Variants in SH3KBP1 observed in about 807,000 individuals in gnomAD.
SH3KBP1 encodes the protein SH3 domain-containing kinase-binding protein 1.
Under a neutral mutation model 50.1 loss-of-function variants are expected in SH3KBP1, and 8 were observed. That is an observed-to-expected ratio of 0.16 (90% CI 0.09 to 0.29). The LOEUF is 0.29. SH3KBP1 is among the 10% of genes least tolerant of loss of function. SH3KBP1 has a pLI of 1.00. For synonymous variants in SH3KBP1, 227 were observed against 218.6 expected (o/e 1.04, Z -0.34); for missense variants, 377 against 535.2 (o/e 0.70, Z 2.92).
At chrX:19,874,068 A>AAAATATAT (rs1491537486) in intron 1 of SH3KBP1, among the ~76,000 whole-genome samples, 9 of 57,027 alleles carry the variant, frequency 1.6e-4, no homozygotes, top group African/African-American at 1.4e-3. Context: ...AAAAAAAAAA[A>AAAATATAT]ATATATATAT....
intron 6 of SH3KBP1, among the ~76,000 whole-genome samples, chrX:19,675,004 G>A (rs906125932): frequency 8.2e-5 from 9 of 109,788 alleles, no homozygotes; most frequent in Non-Finnish European, 1.5e-4. Context: ...GCTTGAACCC[G>A]GGAGGCAGAG....
At chrX:19,833,000 G>A (rs1313468870) in intron 2 of SH3KBP1, among the ~76,000 whole-genome samples, 1 of 112,229 alleles carries the variant, frequency 8.9e-6, no homozygotes. Context: ...TCAGTTCTCT[G>A]AATCTGTAGA....
intron 8 of SH3KBP1, among the ~76,000 whole-genome samples, chrX:19,620,867 GT>G (rs2067790336): frequency 9.0e-6 from 1 of 111,403 alleles, no homozygotes; most frequent in African/African-American, 3.3e-5. Flanking sequence ...AATTTGGCAA[GT>G]TTTTTCTTTT....
At chrX:19,811,366 A>G (rs900864485) in intron 2 of SH3KBP1, among the ~76,000 whole-genome samples, 2 of 111,606 alleles carry the variant, frequency 1.8e-5, no homozygotes, top group African/African-American at 6.5e-5. Flanking sequence ...ATGGTTTTAA[A>G]CAGCTGTAAT....
intron 13 of SH3KBP1, 147 bp from the exon 14 acceptor site, chrX:19,550,230 AT>A (rs1398702233): frequency 1.1e-5 from 5 of 456,018 alleles, no homozygotes; most frequent in Non-Finnish European, 1.5e-5. Flanking sequence ...TCCTTTGGTC[AT>A]TCAATAAACA....
Position 19,647,105 on chromosome X carries a change from C to T in SH3KBP1, c.727-1630G>A, listed in dbSNP as rs2062009019. On this transcript the variant is annotated intron_variant, in intron 6 of 17. Coordinates refer to ENST00000397821, the MANE Select transcript of SH3KBP1 (RefSeq NM_031892.3). ...CCTGTTCACACTTCTAGCAGCATCCCTGCCAACATATTTGTTTTTCCCTTT... is the reference window on the plus strand; with the variant it reads ...CCTGTTCACACTTCTAGCAGCATCCTTGCCAACATATTTGTTTTTCCCTTT... 2.7e-5 allele frequency among the ~76,000 whole-genome samples: 3 copies of T among 112,232 alleles called. No homozygotes were observed. The South Asian group carries it at 1.1e-3, about 42-fold the overall frequency.
At chrX:19,592,974 G>A (rs1167935497) in intron 10 of SH3KBP1, among the ~76,000 whole-genome samples, 1 of 112,224 alleles carries the variant, frequency 8.9e-6, no homozygotes, top group Non-Finnish European at 1.9e-5. Context: ...GCCCAGCCAT[G>A]GTCTGTTCTT....
intron 11 of SH3KBP1, among the ~76,000 whole-genome samples, chrX:19,589,384 G>A (rs1046646912): frequency 9.0e-6 from 1 of 111,575 alleles, no homozygotes; most frequent in Non-Finnish European, 1.9e-5. Context: ...GGCCTGACAC[G>A]TCTCAGGCTG....
intron 12 of SH3KBP1, among the ~76,000 whole-genome samples, chrX:19,580,380 G>A (rs934683606): frequency 1.8e-5 from 2 of 110,933 alleles, no homozygotes; most frequent in African/African-American, 6.6e-5. Context: ...GTCTACCCAC[G>A]CTTGGCCGCT....
At chrX:19,818,072 C>T (rs185143487) in intron 2 of SH3KBP1, among the ~76,000 whole-genome samples, 58 of 112,260 alleles carry the variant, frequency 5.2e-4, no homozygotes, top group Admixed American at 3.5e-3. Context: ...ATATCACCTA[C>T]GTTTGTATAA....
chrX:19,824,385 T>C (rs779385278), intron 2 of SH3KBP1, among the ~76,000 whole-genome samples: 7 of 111,797 alleles, frequency 6.3e-5, no homozygotes, highest in Non-Finnish European at 1.1e-4. Context: ...ATCGGTACCA[T>C]TGTGCAAAAT....
intron 3 of SH3KBP1, among the ~76,000 whole-genome samples, chrX:19,722,118 G>C (rs1248332980): frequency 1.8e-5 from 2 of 112,313 alleles, no homozygotes; most frequent in Admixed American, 1.9e-4. Flanking sequence ...ATAAGCTTTG[G>C]AGTAACACAT....
At chrX:19,808,172 CTAATATT>C (rs1314287529) in intron 2 of SH3KBP1, among the ~76,000 whole-genome samples, 2 of 110,784 alleles carry the variant, frequency 1.8e-5, no homozygotes, top group African/African-American at 6.6e-5. Context: ...GGGCAGTTCT[CTAATATT>C]TCAAGTCTCA....
chrX:19,621,073 C>T (rs374226262), intron 8 of SH3KBP1, among the ~76,000 whole-genome samples: 206 of 32,067 alleles, frequency 6.4e-3, no homozygotes, highest in Non-Finnish European at 7.5e-3. Context: ...TCTTTTCTTT[C>T]TTTTTTTTTT....
rs2064701531 is a variant in SH3KBP1, at chrX:19,536,136, G to A, written c.*281C>T. ...AGTACCACTATGGACTAAACTGCCT[G>A]AGTTTTCATTTCGCATTGAGATCTC... On this transcript the variant is annotated 3_prime_UTR_variant, in exon 18 of 18. Coordinates refer to ENST00000397821, the MANE Select transcript of SH3KBP1 (RefSeq NM_031892.3). 2 of 226,371 alleles carry A rather than the reference G, an allele frequency of 8.8e-6. No homozygotes were observed. Among genetic ancestry groups the A allele is most frequent in the Non-Finnish European group, 1.6e-5 (2 of 124,773 alleles). The allele number at this position is 226,371 out of a possible 1,213,427, so 18.7% of individuals were successfully genotyped here. A position where few individuals can be genotyped will look rare whatever the true frequency, so the allele number is the denominator to read the frequency against.
intron 2 of SH3KBP1, among the ~76,000 whole-genome samples, chrX:19,781,517 C>T: frequency 9.3e-6 from 1 of 107,950 alleles, no homozygotes; most frequent in Non-Finnish European, 1.9e-5. Context: ...GCTCAGAAGG[C>T]TGAGGTGGGA....
intron 6 of SH3KBP1, among the ~76,000 whole-genome samples, chrX:19,673,043 G>A (rs1263038131): frequency 2.1e-5 from 2 of 93,772 alleles, no homozygotes; most frequent in African/African-American, 8.3e-5. Flanking sequence ...TCCAGCCTGG[G>A]CAACAGAGCA....
In SH3KBP1 at chrX:19,671,949, A is replaced by G. The variant is rs1449784302; in HGVS notation, c.726+11874T>C. On this transcript the variant is annotated intron_variant, in intron 6 of 17. Coordinates refer to ENST00000397821, the MANE Select transcript of SH3KBP1 (RefSeq NM_031892.3). ...TTTCAGTTAACTATGGTTAATATTTAAATTTTTAATTAAACTAATTTAAAA... is the reference window on the plus strand; with the variant it reads ...TTTCAGTTAACTATGGTTAATATTTGAATTTTTAATTAAACTAATTTAAAA... 4.5e-5 allele frequency among the ~76,000 whole-genome samples: 5 copies of G among 112,115 alleles called. No individual in the cohort carries two copies. The Admixed American group carries it at 4.7e-4, about 11-fold the overall frequency.
At chrX:19,764,213 C>T (rs1418222415) in intron 2 of SH3KBP1, among the ~76,000 whole-genome samples, 1 of 110,339 alleles carries the variant, frequency 9.1e-6, no homozygotes, top group Non-Finnish European at 1.9e-5. Flanking sequence ...GTTTCCAAAG[C>T]TTAGGTTTGG....
Sources: allele counts gnomAD v4.1 joint callset (sites outside exome capture counted in the v4.1 genomes callset), GRCh38; gene constraint gnomAD v4.1.1; transcripts MANE v1.5; gene names NCBI Gene and HGNC (gene_info 2026-07-23, HGNC 2026-07-21).